CACNA1A: variants seen among roughly 807,000 people sequenced by gnomAD.
The protein encoded by CACNA1A is voltage-dependent P/Q-type calcium channel subunit alpha-1A.
CACNA1A carries 57 observed loss-of-function variants against 262.4 expected under a neutral mutation model. The ratio of observed to expected loss-of-function variants is 0.22; its 90% CI spans 0.18 to 0.27. The LOEUF (loss-of-function observed/expected upper bound fraction) is 0.27, where lower values mean the gene tolerates loss of function less well. Among genes scored for constraint, CACNA1A ranks in the 10% least tolerant of loss-of-function variants. CACNA1A has a pLI of 1.00. For missense variants in CACNA1A, 2,526 were observed against 3,562.8 expected (o/e 0.71, Z 7.41); for synonymous variants, 1,431 against 1,419.3 (o/e 1.01, Z -0.18).
intron 24 of CACNA1A, 55 bp from the exon 25 acceptor site, chr19:13,262,888 T>G: frequency 7.9e-7 from 1 of 1,261,458 alleles, no homozygotes; most frequent in Non-Finnish European, 1.1e-6. Context: ...GAGGTCAGGT[T>G]GGGTAGGGGG....
At chr19:13,452,360 C>T (rs1435279201) in intron 3 of CACNA1A, 1 of 152,616 alleles carries the variant, frequency 6.6e-6, no homozygotes, top group Non-Finnish European at 1.5e-5. Context: ...TAATCACAAT[C>T]CCTTGCACCC....
chr19:13,340,365 A>C (rs2058656975), intron 6 of CACNA1A, among the ~76,000 whole-genome samples: 1 of 151,166 alleles, frequency 6.6e-6, no homozygotes. Flanking sequence ...GAACCCCAGG[A>C]GTGGGTATAT....
chr19:13,391,629 G>T (rs1390159381), intron 3 of CACNA1A, among the ~76,000 whole-genome samples: 2 of 152,140 alleles, frequency 1.3e-5, no homozygotes, highest in Non-Finnish European at 2.9e-5. Context: ...GGGTGCGGTG[G>T]CTCACATCGG....
At chr19:13,404,322 C>T (rs2059963755) in intron 3 of CACNA1A, among the ~76,000 whole-genome samples, 1 of 152,122 alleles carries the variant, frequency 6.6e-6, no homozygotes, top group African/African-American at 2.4e-5. Flanking sequence ...AGAGCCAATC[C>T]CTGCACTGTA....
intron 15 of CACNA1A, among the ~76,000 whole-genome samples, chr19:13,304,818 C>A (rs749388869): frequency 6.6e-6 from 1 of 152,136 alleles, no homozygotes; most frequent in Non-Finnish European, 1.5e-5. Flanking sequence ...CTTGGACTTC[C>A]CGGCCTCCAG....
In CACNA1A at chr19:13,299,036, T is replaced by A; in HGVS notation, c.2597A>T (p.Asp866Val). The change falls in exon 19 of 47, where the codon GAT becomes GTT. Residue 866 changes from aspartate to valine, a missense_variant. By Grantham distance (152) the Asp-to-Val change is radical. Coordinates refer to ENST00000360228, the MANE Select transcript of CACNA1A (RefSeq NM_001127222.2). The stretch of plus-strand genomic sequence containing the variant: ...CGAGCCGCTGGGGTCCCGGGCCCGA[T>A]CGTGGTAGCGGGCCTGTTTCCTGAG... ...DFLRKQARYH[D>V]RARDPSGSAG... 2 of 1,596,654 alleles carry A rather than the reference T, an allele frequency of 1.3e-6. No homozygotes were observed. Among genetic ancestry groups the A allele is most frequent in the Non-Finnish European group, 1.7e-6 (2 of 1,176,634 alleles).
At chr19:13,370,591 A>ATT (rs35234045) in intron 4 of CACNA1A, among the ~76,000 whole-genome samples, 4 of 139,738 alleles carry the variant, frequency 2.9e-5, no homozygotes, top group South Asian at 2.3e-4. Context: ...ATGCCTGCTA[A>ATT]TTTTTTTTTT....
chr19:13,331,016 G>A lies in CACNA1A; in HGVS notation c.1256-683C>T, dbSNP rs540241032. 4.1e-4 allele frequency among the ~76,000 whole-genome samples: 62 copies of A among 152,038 alleles called. No homozygotes were observed. In the South Asian group the frequency reaches 0.012, roughly 29 times the overall value. On this transcript the variant is annotated intron_variant, in intron 9 of 46. Transcript: ENST00000360228. ...CCATATTCAAGCTATACACCCCAGG[G>A]GCTCCACAGCAGACAAGTTCAGGTG...
chr19:13,273,343 A>C (rs996991537), intron 24 of CACNA1A: 1 of 152,062 alleles, frequency 6.6e-6, no homozygotes, highest in African/African-American at 2.4e-5. Context: ...GTGCGGCGGG[A>C]ACAGTGCTAA....
At chr19:13,279,349 G>A (rs1163313204) in intron 22 of CACNA1A, among the ~76,000 whole-genome samples, 2 of 152,082 alleles carry the variant, frequency 1.3e-5, no homozygotes, top group East Asian at 3.9e-4. Flanking sequence ...GAAATGCCAA[G>A]CACAACCCCA....
chr19:13,208,267 G>A lies in CACNA1A; in HGVS notation c.6781-214C>T, dbSNP rs544769680. On this transcript the variant is annotated intron_variant, in intron 46 of 46. Coordinates refer to ENST00000360228, the MANE Select transcript of CACNA1A (RefSeq NM_001127222.2). ...CACAGGGAGGAGGGAGGGGAGGAGG[G>A]GGAGTGAGACAGGGAGGGGAGGAGT... Among the ~76,000 whole-genome samples, 31 of 146,152 alleles carry A rather than the reference G, an allele frequency of 2.1e-4. No individual in the cohort carries two copies. The South Asian group carries it at 3.6e-3, about 17-fold the overall frequency.
intron 24 of CACNA1A, among the ~76,000 whole-genome samples, chr19:13,264,512 C>T (rs1600202472): frequency 6.6e-6 from 1 of 152,366 alleles, no homozygotes; most frequent in African/African-American, 2.4e-5. Flanking sequence ...CTGGGCATGG[C>T]ATTCAATGCT....
chr19:13,506,094 G>T lies in CACNA1A; in HGVS notation c.131C>A (p.Ala44Glu). ...CATTGACTGCTTGTACATCCTTTGCGCCCCGGGCTGCCCGCCCTGCCGGCT... is the reference window on the plus strand; with the variant it reads ...CATTGACTGCTTGTACATCCTTTGCTCCCCGGGCTGCCCGCCCTGCCGGCT... ...GGSRQGGQPG[A>E]QRMYKQSMAQ... Residue 44 changes from alanine (A) to glutamate (E), a missense_variant, in exon 1 of 47, where the codon GCG becomes GAG. Physicochemically the swap from Ala to Glu is moderately radical, Grantham distance 107. Coordinates refer to ENST00000360228, the MANE Select transcript of CACNA1A (RefSeq NM_001127222.2). 6.2e-7 allele frequency: 1 copy of T among 1,613,050 alleles called. No individual in the cohort carries two copies. The highest frequency in any genetic ancestry group is 8.5e-7 in the Non-Finnish European group (1 of 1,179,594).
chr19:13,473,480 A>C (rs915010368), intron 1 of CACNA1A, among the ~76,000 whole-genome samples: 1 of 152,242 alleles, frequency 6.6e-6, no homozygotes, highest in Non-Finnish European at 1.5e-5. Context: ...TCCAGCCTTC[A>C]GAACTGGGTG....
intron 1 of CACNA1A, among the ~76,000 whole-genome samples, chr19:13,474,014 A>G (rs1281393823): frequency 6.6e-6 from 1 of 152,212 alleles, no homozygotes; most frequent in African/African-American, 2.4e-5. Context: ...TCTGCCATCC[A>G]TGAAGATTCT....
chr19:13,468,512 C>T (rs778545365), intron 1 of CACNA1A, among the ~76,000 whole-genome samples: 2 of 152,098 alleles, frequency 1.3e-5, no homozygotes, highest in African/African-American at 4.8e-5. Context: ...GGAGGTCAGG[C>T]GCAGTGGCTC....
chr19:13,490,729 GAA>G (rs1408590811), intron 1 of CACNA1A, among the ~76,000 whole-genome samples: 19 of 119,332 alleles, frequency 1.6e-4, no homozygotes, highest in African/African-American at 5.5e-4. Context: ...AAGAAAGAAA[GAA>G]AGAGAAAAGA....
Position 13,298,557 on chromosome 19 carries a change from G to A in CACNA1A, c.3076C>T (p.His1026Tyr). Residue 1026 changes from histidine to tyrosine, a missense_variant, in exon 19 of 47, where the codon CAT becomes TAT. Physicochemically the swap from His to Tyr is moderately conservative, Grantham distance 83 (BLOSUM62 2). Coordinates refer to ENST00000360228, the MANE Select transcript of CACNA1A (RefSeq NM_001127222.2). ...DARREDKERR[H>Y]RRRKENQGSG... ...ACCTCCACTTACTTCCTCCTCCGAT[G>A]CCTCCGCTCCTTGTCCTCCCTCCGC... 1 of 1,543,104 alleles carries A rather than the reference G, an allele frequency of 6.5e-7. No individual in the cohort carries two copies. Among genetic ancestry groups the A allele is most frequent in the Non-Finnish European group, 8.8e-7 (1 of 1,142,822 alleles).
At chr19:13,231,615 C>A in intron 35 of CACNA1A, 95 bp downstream of exon 35, 1 of 1,309,586 alleles carries the variant, frequency 7.6e-7, no homozygotes, top group Non-Finnish European at 1.1e-6. Context: ...AGGGAACAAG[C>A]CTTCGACACA....
Sources: gnomAD v4.1 joint callset for allele counts (sites outside exome capture counted in the v4.1 genomes callset) on GRCh38, gnomAD v4.1.1 for gene constraint, MANE v1.5 for transcripts, NCBI Gene and HGNC (gene_info 2026-07-23, HGNC 2026-07-21) for gene names.